Variants in HS3ST3A1 observed in about 807,000 individuals in gnomAD.
The protein encoded by HS3ST3A1 is heparan sulfate glucosamine 3-O-sulfotransferase 3A1.
A neutral mutation model predicts 25.7 loss-of-function variants in HS3ST3A1; 19 were observed. The observed-to-expected ratio is 0.74, with a 90% CI of 0.52 to 1.08. HS3ST3A1 has a LOEUF of 1.08. Ranked by LOEUF, HS3ST3A1 falls within the 50% of genes least tolerant of loss-of-function variation. The pLI, the probability that HS3ST3A1 is intolerant of heterozygous loss-of-function variation, is 0.00. For synonymous variants in HS3ST3A1, 226 were observed against 278.6 expected (o/e 0.81, Z 1.88); for missense variants, 459 against 594.3 (o/e 0.77, Z 2.37).
At chr17:13,600,063 T>C (rs1908677674) in intron 1 of HS3ST3A1, among the ~76,000 whole-genome samples, 1 of 152,182 alleles carries the variant, frequency 6.6e-6, no homozygotes. Context: ...CTAGGACAAC[T>C]ATCTGGCAAA....
chr17:13,590,769 A>G (rs1034341445), intron 1 of HS3ST3A1, among the ~76,000 whole-genome samples: 3 of 152,204 alleles, frequency 2.0e-5, no homozygotes, highest in Non-Finnish European at 4.4e-5. Flanking sequence ...TGGGATAACA[A>G]CCAGGCTGTG....
intron 1 of HS3ST3A1, among the ~76,000 whole-genome samples, chr17:13,591,623 T>C (rs567026547): frequency 6.6e-6 from 1 of 151,518 alleles, no homozygotes; most frequent in Non-Finnish European, 1.5e-5. Context: ...TTTATGACCA[T>C]ATTTTAATGT....
intron 1 of HS3ST3A1, among the ~76,000 whole-genome samples, chr17:13,586,816 G>A (rs2142388438): frequency 8.1e-6 from 1 of 124,166 alleles, no homozygotes; most frequent in Non-Finnish European, 1.6e-5. Flanking sequence ...CTTGCAGTGA[G>A]CAGAGATCAA....
intron 1 of HS3ST3A1, among the ~76,000 whole-genome samples, chr17:13,498,412 C>T (rs1905351044): frequency 6.6e-6 from 1 of 152,170 alleles, no homozygotes; most frequent in African/African-American, 2.4e-5. Flanking sequence ...ACCACAGAAA[C>T]TAAAATCTCT....
chr17:13,506,843 G>T (rs1271747734), intron 1 of HS3ST3A1, among the ~76,000 whole-genome samples: 2 of 151,152 alleles, frequency 1.3e-5, no homozygotes, highest in African/African-American at 2.4e-5. Flanking sequence ...GATCGCCTGA[G>T]CTCAGGAGTT....
Position 13,600,643 on chromosome 17 carries a change from C to G in HS3ST3A1, c.487G>C (p.Gly163Arg), listed in dbSNP as rs1266482854. The G allele has an allele frequency of 1.3e-6, 2 of 1,594,804 alleles. No homozygotes were observed. The highest frequency in any genetic ancestry group is 1.7e-6 in the Non-Finnish European group (2 of 1,176,134). ...PQAIIIGVKK[G>R]GTRALLEFLR... ...AACTCCAGCAGCGCCCGCGTGCCGCCCTTCTTCACTCCGATGATGATGGCC... is the reference window on the plus strand; with the variant it reads ...AACTCCAGCAGCGCCCGCGTGCCGCGCTTCTTCACTCCGATGATGATGGCC... The change falls in exon 1 of 2, where the codon GGC becomes CGC. Residue 163 changes from glycine (G) to arginine (R), a missense_variant. Gly to Arg is a moderately radical substitution (Grantham distance 125). This residue lies in a region of HS3ST3A1 where 346 missense variants were observed against 303.9 expected (regional missense o/e 1.14). Coordinates refer to ENST00000284110, the MANE Select transcript of HS3ST3A1 (RefSeq NM_006042.3).
chr17:13,495,225 G>A lies in HS3ST3A1; in HGVS notation c.*972C>T, dbSNP rs953114822. ...ATCTTGTGCTACCCCTAGTGTGGCT[G>A]GCCACCTTGTCCTCCATGCAAGAAT... On this transcript the variant is annotated 3_prime_UTR_variant, in exon 2 of 2. Transcript: ENST00000284110. Among the ~76,000 whole-genome samples, 6 of 151,992 alleles carry A rather than the reference G, an allele frequency of 3.9e-5. No individual in the cohort carries two copies. The highest frequency in any genetic ancestry group is 1.5e-4 in the African/African-American group (6 of 41,348).
chr17:13,529,279 A>T (rs903849856), intron 1 of HS3ST3A1, among the ~76,000 whole-genome samples: 2 of 152,182 alleles, frequency 1.3e-5, no homozygotes, highest in African/African-American at 4.8e-5. Context: ...CTCTAGGCCC[A>T]TGTTTTGAGG....
chr17:13,502,219 T>C (rs1324928648), intron 1 of HS3ST3A1, among the ~76,000 whole-genome samples: 1 of 152,142 alleles, frequency 6.6e-6, no homozygotes, highest in Non-Finnish European at 1.5e-5. Context: ...ACATGCTAAG[T>C]TGTCCTCTGT....
Position 13,600,846 on chromosome 17 carries a change from T to G in HS3ST3A1, c.284A>C (p.Gln95Pro). 7.0e-7 allele frequency: 1 copy of G among 1,432,764 alleles called. No individual in the cohort carries two copies. The highest frequency in any genetic ancestry group is 9.1e-7 in the Non-Finnish European group (1 of 1,104,418). 88.8% of individuals were successfully genotyped at this position (1,432,764 alleles called of 1,614,324 possible). A position where few individuals can be genotyped will look rare whatever the true frequency, so the allele number is the denominator to read the frequency against. The change falls in exon 1 of 2, where the codon CAG (glutamine) becomes CCG (proline). Residue 95 changes from glutamine (Q) to proline (P), a missense_variant. By Grantham distance (76) the Gln-to-Pro change is moderately conservative (BLOSUM62 -1). Coordinates refer to ENST00000284110, the MANE Select transcript of HS3ST3A1 (RefSeq NM_006042.3). ...CGCGGGCGGCCGGCGCCTCCGCCAC[T>G]GCGGCAGTTGCAGGAGGCGCTTTCT... ...AQRKRLLQLP[Q>P]WRRRRPPAPR...
chr17:13,566,566 G>T (rs1022746852), intron 1 of HS3ST3A1, among the ~76,000 whole-genome samples: 8 of 152,222 alleles, frequency 5.3e-5, no homozygotes, highest in African/African-American at 1.9e-4. Flanking sequence ...CAGGCTGAAA[G>T]CTAGGCCTCC....
chr17:13,545,953 G>A (rs540329615), intron 1 of HS3ST3A1, among the ~76,000 whole-genome samples: 2 of 151,776 alleles, frequency 1.3e-5, no homozygotes, highest in African/African-American at 4.9e-5. Flanking sequence ...CTCCAGCCTG[G>A]GTGACAGAGC....
chr17:13,536,928 T>C (rs1419696528), intron 1 of HS3ST3A1, among the ~76,000 whole-genome samples: 2 of 152,194 alleles, frequency 1.3e-5, no homozygotes, highest in Non-Finnish European at 2.9e-5. Context: ...AGCTAGTTAG[T>C]AGCTGAGGAG....
intron 1 of HS3ST3A1, among the ~76,000 whole-genome samples, chr17:13,588,279 A>G (rs1598434498): frequency 6.6e-6 from 1 of 152,166 alleles, no homozygotes; most frequent in East Asian, 1.9e-4. Context: ...GAAAAAAAAA[A>G]AAATTGCTGA....
intron 1 of HS3ST3A1, among the ~76,000 whole-genome samples, chr17:13,511,251 A>T (rs945222201): frequency 3.3e-5 from 5 of 152,164 alleles, no homozygotes; most frequent in Admixed American, 1.3e-4. Flanking sequence ...ATCCACTCTC[A>T]TATTTAAATC....
intron 1 of HS3ST3A1, chr17:13,543,428 T>G (rs80210417): frequency 0.1 from 17,101 of 163,972 alleles, 1,021 homozygotes; most frequent in Non-Finnish European, 0.14. Flanking sequence ...TTTTTTTTTC[T>G]CTGACATAGC....
At chr17:13,506,204 T>C (rs1029840733) in intron 1 of HS3ST3A1, among the ~76,000 whole-genome samples, 4 of 152,054 alleles carry the variant, frequency 2.6e-5, no homozygotes, top group African/African-American at 9.7e-5. Flanking sequence ...CAACATAGTT[T>C]TATAGGAAAC....
chr17:13,540,085 TG>T, intron 1 of HS3ST3A1, among the ~76,000 whole-genome samples: 1 of 152,256 alleles, frequency 6.6e-6, no homozygotes, highest in Non-Finnish European at 1.5e-5. Context: ...AGTAGTCCCT[TG>T]GGATCCACCT....
At chr17:13,556,214 C>T (rs1907366764) in intron 1 of HS3ST3A1, among the ~76,000 whole-genome samples, 1 of 152,154 alleles carries the variant, frequency 6.6e-6, no homozygotes, top group African/African-American at 2.4e-5. Flanking sequence ...AATTAGAAAG[C>T]AAGGCAAAGC....
Sources: allele counts gnomAD v4.1 joint callset (sites outside exome capture counted in the v4.1 genomes callset), GRCh38; gene constraint gnomAD v4.1.1; regional missense constraint gnomAD v4.1.1; transcripts MANE v1.5; gene names NCBI Gene and HGNC (gene_info 2026-07-23, HGNC 2026-07-21).